AGAP1: variants seen among roughly 807,000 people sequenced by gnomAD.
AGAP1 encodes the protein arf-GAP with GTPase, ANK repeat and PH domain-containing protein 1.
AGAP1 carries 29 observed loss-of-function variants against 105.3 expected under a neutral mutation model. The observed-to-expected ratio is 0.28, with a 90% CI of 0.21 to 0.38. The LOEUF is 0.38. Among genes scored for constraint, AGAP1 ranks in the 10% least tolerant of loss-of-function variants. The pLI is 1.00. For synonymous variants in AGAP1, 509 were observed against 485.9 expected (o/e 1.05, Z -0.63); for missense variants, 998 against 1,165.1 (o/e 0.86, Z 2.09).
At chr2:235,745,018 C>T (rs897189226) in intron 5 of AGAP1, among the ~76,000 whole-genome samples, 179 bp downstream of exon 5, 1 of 151,960 alleles carries the variant, frequency 6.6e-6, no homozygotes, top group Non-Finnish European at 1.5e-5. Context: ...TATGGTGAAA[C>T]CACTCATTTA....
chr2:235,810,613 G>T (rs763467235), intron 9 of AGAP1, among the ~76,000 whole-genome samples: 16 of 152,114 alleles, frequency 1.1e-4, no homozygotes, highest in Non-Finnish European at 1.9e-4. Context: ...TACCTCGTTC[G>T]CTGTAAGCAT....
chr2:235,767,074 C>G (rs953738907), intron 6 of AGAP1, among the ~76,000 whole-genome samples: 19 of 151,984 alleles, frequency 1.3e-4, no homozygotes, highest in Non-Finnish European at 2.8e-4. Context: ...CCACGCCTGG[C>G]TAATTTTTGT....
In AGAP1 at chr2:235,799,549, T is replaced by C. The variant is rs372775296; in HGVS notation, c.957+27T>C. The C allele has an allele frequency of 6.8e-6, 11 of 1,609,506 alleles. No homozygotes were observed. The African/African-American group carries it at 1.3e-4, about 20-fold the overall frequency. ...TGAGTGTCAACCCTGGGTGGAGATTTGAATGCGATTCCGAAGCGTTCCCAT... is the reference window on the plus strand; with the variant it reads ...TGAGTGTCAACCCTGGGTGGAGATTCGAATGCGATTCCGAAGCGTTCCCAT... On this transcript the variant is annotated intron_variant, in intron 8 of 17. Transcript: ENST00000304032. This position sits in a 1 kb window ranked among gnomAD's most constrained non-coding sequence, Gnocchi z 5.0.
At chr2:235,567,231 C>G (rs1254768925) in intron 1 of AGAP1, among the ~76,000 whole-genome samples, 1 of 152,260 alleles carries the variant, frequency 6.6e-6, no homozygotes, top group African/African-American at 2.4e-5. Flanking sequence ...ATGTCTTTGC[C>G]TCTCTTCTTT....
chr2:236,036,437 G>A lies in AGAP1; in HGVS notation c.1646-124G>A. 7.7e-7 allele frequency: 1 copy of A among 1,293,140 alleles called. No homozygotes were observed. The highest frequency in any genetic ancestry group is 1.1e-6 in the Non-Finnish European group (1 of 934,802). 80.1% of individuals were successfully genotyped at this position (1,293,140 alleles called of 1,614,324 possible). A position where few individuals can be genotyped will look rare whatever the true frequency, so the allele number is the denominator to read the frequency against. On this transcript the variant is annotated intron_variant, in intron 13 of 17. Transcript: ENST00000304032. This position sits in a 1 kb window ranked among gnomAD's most constrained non-coding sequence, Gnocchi z 5.7. ...ATCTCCGCCGCCGTGGTTGTCCAGT[G>A]CCGTGCGCCTCACCGGTCCATGCAG... is the stretch of plus-strand genomic sequence containing the variant.
chr2:235,750,005 G>A lies in AGAP1; in HGVS notation c.539-349G>A, dbSNP rs532198601. On this transcript the variant is annotated intron_variant, in intron 5 of 17. Transcript: ENST00000304032. This position sits in a 1 kb window ranked among gnomAD's most constrained non-coding sequence, Gnocchi z 5.3. ...GTGTAGGGAGTATGCTTAGCCACCT[G>A]CGTGGTGCACAGAAGGGGGCCTGCA... Among the ~76,000 whole-genome samples the A allele has an allele frequency of 6.6e-6, 1 of 152,310 alleles. No homozygotes were observed. The highest frequency in any genetic ancestry group is 1.9e-4 in the East Asian group (1 of 5,170).
Position 235,505,578 on chromosome 2 carries a change from G to A in AGAP1, c.163+10729G>A, listed in dbSNP as rs75909510. On this transcript the variant is annotated intron_variant, in intron 1 of 17. Transcript: ENST00000304032. ...GCAGTTTTTGAAGCTGGGAGAACAG[G>A]CAGATGTGTGGGACACTCAGGGCCC... Among the ~76,000 whole-genome samples, 1,357 of 152,232 alleles carry A rather than the reference G, an allele frequency of 8.9e-3. 21 individuals carry two copies. The highest frequency in any genetic ancestry group is 0.065 in the East Asian group (338 of 5,170).
chr2:235,982,602 T>C lies in AGAP1; in HGVS notation c.1645+13979T>C, dbSNP rs1194242087. 2.0e-5 allele frequency among the ~76,000 whole-genome samples: 3 copies of C among 152,218 alleles called. No homozygotes were observed. Among genetic ancestry groups the C allele is most frequent in the South Asian group, 4.1e-4 (2 of 4,830 alleles). On this transcript the variant is annotated intron_variant, in intron 13 of 17. Transcript: ENST00000304032. The surrounding 1 kb of genome is among the most constrained non-coding windows in gnomAD (Gnocchi z 4.9). Reference sequence around the variant, plus strand: ...TTCGTTGTCTGCTCTCCCAGGCTCATTGAAGGAACATAGAGAAGGTTTAGG... The same window carrying C: ...TTCGTTGTCTGCTCTCCCAGGCTCACTGAAGGAACATAGAGAAGGTTTAGG...
At chr2:235,684,231 A>G (rs1949256524) in intron 1 of AGAP1, among the ~76,000 whole-genome samples, 1 of 152,044 alleles carries the variant, frequency 6.6e-6, no homozygotes, top group African/African-American at 2.4e-5. Flanking sequence ...TGTTTAGTAG[A>G]GACAGGGTTT....
intron 1 of AGAP1, among the ~76,000 whole-genome samples, chr2:235,597,734 G>A (rs113583894): frequency 6.6e-6 from 1 of 151,088 alleles, no homozygotes; most frequent in African/African-American, 2.4e-5. Flanking sequence ...TGTGTGTGGA[G>A]CGTGCACGCG....
chr2:235,849,839 G>A (rs1017822519), intron 9 of AGAP1, among the ~76,000 whole-genome samples: 15 of 152,262 alleles, frequency 9.9e-5, no homozygotes, highest in East Asian at 3.9e-4. Context: ...TGGTCTGGGC[G>A]CCCAGTGCTC....
chr2:235,878,017 G>A (rs554539121), intron 9 of AGAP1, among the ~76,000 whole-genome samples: 1 of 152,358 alleles, frequency 6.6e-6, no homozygotes, highest in Admixed American at 6.5e-5. Flanking sequence ...GTGGGGCTGA[G>A]GGCAGCCCGC....
At chr2:235,909,878 G>A (rs1481535017) in intron 11 of AGAP1, among the ~76,000 whole-genome samples, 6 of 151,996 alleles carry the variant, frequency 3.9e-5, no homozygotes, top group Admixed American at 1.3e-4. Flanking sequence ...AAAATTAGCC[G>A]GGCGTGGTAG....
At chr2:235,703,219 C>T (rs1950345311) in intron 1 of AGAP1, among the ~76,000 whole-genome samples, 1 of 151,996 alleles carries the variant, frequency 6.6e-6, no homozygotes, top group Non-Finnish European at 1.5e-5. Flanking sequence ...TGAGTCACCA[C>T]GCCCGGCCCG....
intron 6 of AGAP1, among the ~76,000 whole-genome samples, chr2:235,764,119 TGCTTCCGTAA>T (rs1954712555): frequency 6.6e-6 from 1 of 152,210 alleles, no homozygotes; most frequent in African/African-American, 2.4e-5. Context: ...AGAAGTGCCA[TGCTTCCGTAA>T]GCTCTTCCGA....
At chr2:235,800,103 C>CT (rs778896992) in intron 8 of AGAP1, among the ~76,000 whole-genome samples, 5,648 of 138,398 alleles carry the variant, frequency 0.041, 156 homozygotes, top group South Asian at 0.069. Flanking sequence ...TGCATTGTTC[C>CT]TTTTTTTTTT....
chr2:235,818,054 A>G lies in AGAP1; in HGVS notation c.1050+10723A>G, dbSNP rs144589095. 1.8e-3 allele frequency among the ~76,000 whole-genome samples: 268 copies of G among 152,296 alleles called. 2 individuals are homozygous for G. Among genetic ancestry groups the G allele is most frequent in the East Asian group, 0.017 (89 of 5,186 alleles). On this transcript the variant is annotated intron_variant, in intron 9 of 17. Transcript: ENST00000304032. Reference sequence around the variant, plus strand: ...TCCCAAGTCTAGTCCTCCTGGTTCAATCCGATCTGCTCCCTGCAATATTTA... The same window carrying G: ...TCCCAAGTCTAGTCCTCCTGGTTCAGTCCGATCTGCTCCCTGCAATATTTA...
rs915384788 is a variant in AGAP1, at chr2:235,865,451, A to T, written c.1051-17894A>T. Among the ~76,000 whole-genome samples, 3 of 152,164 alleles carry T rather than the reference A, an allele frequency of 2.0e-5. No homozygotes were observed. Among genetic ancestry groups the T allele is most frequent in the Non-Finnish European group, 4.4e-5 (3 of 68,034 alleles). Reference sequence around the variant, plus strand: ...TCGGGGCTTTATACGATTGCTGGAGATGCTGACAGCTCAATTAAAGTGTAA... The same window carrying T: ...TCGGGGCTTTATACGATTGCTGGAGTTGCTGACAGCTCAATTAAAGTGTAA... On this transcript the variant is annotated intron_variant, in intron 9 of 17. Coordinates refer to ENST00000304032, the MANE Select transcript of AGAP1 (RefSeq NM_001037131.3). This position sits in a 1 kb window ranked among gnomAD's most constrained non-coding sequence, Gnocchi z 6.2.
At chr2:235,742,904 C>T (rs1459981093) in intron 4 of AGAP1, among the ~76,000 whole-genome samples, 2 of 152,214 alleles carry the variant, frequency 1.3e-5, no homozygotes, top group Non-Finnish European at 2.9e-5. Context: ...CAGCGGCTCA[C>T]ACCTGTAATC....
Sources: allele counts gnomAD v4.1 joint callset (sites outside exome capture counted in the v4.1 genomes callset), GRCh38; gene constraint gnomAD v4.1.1; non-coding constraint Gnocchi (gnomAD v3.1); transcripts MANE v1.5; gene names NCBI Gene and HGNC (gene_info 2026-07-23, HGNC 2026-07-21).